The following SVIL variants were observed in gnomAD, a reference collection of about 807,000 sequenced individuals.
The protein encoded by SVIL is archvillin.
A neutral mutation model predicts 240.4 loss-of-function variants in SVIL; 101 were observed. The observed-to-expected ratio is 0.42, with a 90% CI of 0.36 to 0.50. The LOEUF is 0.50. SVIL is among the 20% of genes least tolerant of loss of function. The probability of loss-of-function intolerance (pLI) is 0.01; values close to 1 mark genes in which losing one functional copy is unlikely to be tolerated. For synonymous variants in SVIL, 999 were observed against 1,100.0 expected, an observed-to-expected ratio of 0.91 and a Z score of 1.82; for missense variants, 2,512 against 2,818.7, an observed-to-expected ratio of 0.89 and a Z score of 2.46.
chr10:29,588,805 G>T (rs148242153), intron 1 of SVIL, among the ~76,000 whole-genome samples: 5 of 152,154 alleles, frequency 3.3e-5, no homozygotes, highest in Non-Finnish European at 7.3e-5. Flanking sequence ...AGATAAATGC[G>T]TAACTGACTT....
At chr10:29,603,088 G>GC (rs34866715) in intron 1 of SVIL, among the ~76,000 whole-genome samples, 66,907 of 151,882 alleles carry the variant, frequency 0.44, 15,918 homozygotes, top group Non-Finnish European at 0.52. Context: ...TGAAACTCGA[G>GC]ACTCCTTCCC....
At chr10:29,532,218 CAGAG>C in intron 8 of SVIL, 46 bp from the exon 9 acceptor site, 2 of 1,592,686 alleles carry the variant, frequency 1.3e-6, no homozygotes, top group South Asian at 1.1e-5. Flanking sequence ...CAAACGAAGA[CAGAG>C]AAAGAGAAGA....
chr10:29,573,674 A>G (rs1955550998), intron 1 of SVIL, among the ~76,000 whole-genome samples: 1 of 151,440 alleles, frequency 6.6e-6, no homozygotes. Flanking sequence ...AGGTTAACAT[A>G]TTTATTTGCA....
Position 29,529,843 on chromosome 10 carries a change from T to C in SVIL, c.2108A>G (p.Glu703Gly). ...SVAAKRLLFR[E>G]MEKSFDEQNV... ...TTGTTCATCAAAAGATTTTTCCATC[T>C]CCTAAGATTAGAAGTATTGTGGAAC... The change falls in exon 12 of 38, where the codon GAG (glutamate) becomes GGG (glycine). Residue 703 changes from glutamate to glycine, a missense_variant and splice_region_variant. Physicochemically the swap from Glu to Gly is moderately conservative, Grantham distance 98. This residue lies in a region of SVIL where 1,443 missense variants were observed against 1,486.6 expected (regional missense o/e 0.97). Transcript: ENST00000355867. The C allele has an allele frequency of 6.2e-7, 1 of 1,608,910 alleles. No individual in the cohort carries two copies. The highest frequency in any genetic ancestry group is 2.2e-5 in the East Asian group (1 of 44,700).
intron 1 of SVIL, among the ~76,000 whole-genome samples, chr10:29,590,471 G>T (rs780960557): frequency 3.7e-4 from 57 of 152,218 alleles, no homozygotes; most frequent in Non-Finnish European, 2.6e-4. Context: ...CAGAATGATA[G>T]ATTTTTATCA....
chr10:29,664,061 C>G (rs1336855541), intron 2 of SVIL, among the ~76,000 whole-genome samples: 1 of 152,116 alleles, frequency 6.6e-6, no homozygotes, highest in African/African-American at 2.4e-5. Context: ...GATGACCTTC[C>G]CGTGTATCCC....
At chr10:29,553,112 C>T (rs912123868) in intron 5 of SVIL, among the ~76,000 whole-genome samples, 82 of 136,348 alleles carry the variant, frequency 6.0e-4, no homozygotes, top group African/African-American at 2.3e-3. Context: ...AGCCACCAAG[C>T]CCAGCCTTTT....
At chr10:29,509,324 G>GAGAGAGAGAGAGA (rs1564540768) in intron 17 of SVIL, among the ~76,000 whole-genome samples, 1 of 79,776 alleles carries the variant, frequency 1.3e-5, no homozygotes, top group Non-Finnish European at 2.7e-5. Flanking sequence ...GGAGAAGGAG[G>GAGAGAGAGAGAGA]GGGAGGGAGA....
chr10:29,723,839 T>C (rs1589581923), intron 1 of SVIL, among the ~76,000 whole-genome samples: 1 of 152,158 alleles, frequency 6.6e-6, no homozygotes, highest in East Asian at 1.9e-4. Flanking sequence ...ACAAAAGCCA[T>C]TGTTGGGTAA....
chr10:29,533,301 C>T lies in SVIL; in HGVS notation c.1066G>A (p.Ala356Thr). ...HSAFDRVPSK[A>T]AGSTRQPIRG... is the part of the protein sequence containing the mutation. ...ATTGGCTGTCGTGTAGAGCCTGCTG[C>T]CTTGCTGGGGACCCTATCAAAGGCT... The change falls in exon 8 of 38, where the codon GCA becomes ACA. Residue 356 changes from alanine (A) to threonine (T), a missense_variant. This residue lies in a region of SVIL where 1,443 missense variants were observed against 1,486.6 expected (regional missense o/e 0.97). Coordinates refer to ENST00000355867, the MANE Select transcript of SVIL (RefSeq NM_021738.3). 2 of 1,613,930 alleles carry T rather than the reference C, an allele frequency of 1.2e-6. No individual in the cohort carries two copies. The highest frequency in any genetic ancestry group is 2.2e-5 in the East Asian group (1 of 44,834).
chr10:29,541,467 G>A (rs560392197), intron 6 of SVIL, among the ~76,000 whole-genome samples: 32 of 152,232 alleles, frequency 2.1e-4, no homozygotes, highest in Admixed American at 1.6e-3. Flanking sequence ...ATATGTCATC[G>A]TTGGGTTACA....
At chr10:29,465,053 C>T (rs919424877) in intron 34 of SVIL, among the ~76,000 whole-genome samples, 2 of 152,208 alleles carry the variant, frequency 1.3e-5, no homozygotes, top group African/African-American at 2.4e-5. Context: ...CCATTTGCTT[C>T]CCCAGGCTCC....
At chr10:29,546,663 A>T (rs576704975) in intron 6 of SVIL, among the ~76,000 whole-genome samples, 10 of 152,352 alleles carry the variant, frequency 6.6e-5, no homozygotes, top group African/African-American at 2.4e-4. Context: ...ACGTGAGCAC[A>T]TTCAAAAACT....
chr10:29,677,983 A>C (rs1449317910), intron 2 of SVIL, among the ~76,000 whole-genome samples: 3 of 152,188 alleles, frequency 2.0e-5, no homozygotes, highest in Non-Finnish European at 4.4e-5. Context: ...TAAAATGGGC[A>C]AATATCACTA....
chr10:29,598,602 G>T (rs770943364), intron 1 of SVIL, among the ~76,000 whole-genome samples: 1 of 152,156 alleles, frequency 6.6e-6, no homozygotes, highest in South Asian at 2.1e-4. Flanking sequence ...ATGCAGTTAC[G>T]GCTGCCCCCA....
chr10:29,569,491 T>C (rs1390290071), intron 1 of SVIL, among the ~76,000 whole-genome samples, 179 bp from the exon 2 acceptor site: 1 of 152,166 alleles, frequency 6.6e-6, no homozygotes, highest in Non-Finnish European at 1.5e-5. Flanking sequence ...CACATGGAAA[T>C]TTACATAGGC....
upstream of SVIL, among the ~76,000 whole-genome samples, chr10:29,636,032 AT>A (rs1183441652): frequency 6.6e-6 from 1 of 152,080 alleles, no homozygotes; most frequent in Non-Finnish European, 1.5e-5. Context: ...AGGTGAAAAG[AT>A]GACAGGTATA....
chr10:29,663,564 C>T (rs1959181909), intron 2 of SVIL, among the ~76,000 whole-genome samples: 1 of 152,142 alleles, frequency 6.6e-6, no homozygotes, highest in African/African-American at 2.4e-5. Context: ...CCATGTTGGC[C>T]AGGCTGGTCT....
At chr10:29,641,868 C>A (rs982578868) in intron 3 of SVIL, among the ~76,000 whole-genome samples, 1 of 152,112 alleles carries the variant, frequency 6.6e-6, no homozygotes, top group East Asian at 1.9e-4. Context: ...AGGAGGGATG[C>A]GATTACTTGT....
Sources: gnomAD v4.1 joint callset for allele counts (sites outside exome capture counted in the v4.1 genomes callset) on GRCh38, gnomAD v4.1.1 for gene constraint, gnomAD v4.1.1 regional missense constraint, MANE v1.5 for transcripts, NCBI Gene and HGNC (gene_info 2026-07-23, HGNC 2026-07-21) for gene names.